CFAP144: variants seen among roughly 807,000 people sequenced by gnomAD.
CFAP144 encodes cilia- and flagella-associated protein 144.
chr1:43,154,746 GC>G, the CFAP144 span, among the ~76,000 whole-genome samples: 5 of 152,240 alleles, frequency 3.3e-5, no homozygotes, highest in South Asian at 1.0e-3. Context: ...AAGGGCATAG[GC>G]ACCACTATGA....
At chr1:43,148,057 C>A in the CFAP144 span, 1 of 1,613,870 alleles carries the variant, frequency 6.2e-7, no homozygotes, top group Non-Finnish European at 8.5e-7. Flanking sequence ...ACTCTACACG[C>A]AGTATCACGT....
At chr1:43,156,327 G>A in the CFAP144 span, 35 of 1,594,656 alleles carry the variant, frequency 2.2e-5, no homozygotes, top group South Asian at 7.7e-5. Context: ...CCCAGCGGAT[G>A]AGCCCATCTG....
At chr1:43,151,840 T>C in the CFAP144 span, among the ~76,000 whole-genome samples, 1 of 152,230 alleles carries the variant, frequency 6.6e-6, no homozygotes, top group South Asian at 2.1e-4. Context: ...AGAGAGGGCA[T>C]CATCACAGGC....
the CFAP144 span, chr1:43,148,061 A>G: frequency 4.3e-6 from 7 of 1,613,546 alleles, no homozygotes; most frequent in Non-Finnish European, 5.9e-6. Flanking sequence ...TACACGCAGT[A>G]TCACGTGAAT....
the CFAP144 span, among the ~76,000 whole-genome samples, chr1:43,154,156 T>A: frequency 1.4e-5 from 2 of 138,554 alleles, no homozygotes; most frequent in African/African-American, 5.3e-5. Flanking sequence ...ATATTCTCTC[T>A]TTTTATATTC....
At chr1:43,148,717 C>G in the CFAP144 span, among the ~76,000 whole-genome samples, 1 of 152,286 alleles carries the variant, frequency 6.6e-6, no homozygotes, top group East Asian at 1.9e-4. Flanking sequence ...AATACCCTGT[C>G]TCTGCAAAAG....
the CFAP144 span, chr1:43,145,084 G>A: frequency 4.8e-6 from 3 of 628,362 alleles, no homozygotes; most frequent in Non-Finnish European, 8.6e-6. Flanking sequence ...TTCCCGTCTG[G>A]GCAATCCTCT....
chr1:43,148,801 C>T, the CFAP144 span, among the ~76,000 whole-genome samples: 1 of 152,108 alleles, frequency 6.6e-6, no homozygotes, highest in Admixed American at 6.5e-5. Context: ...CATTAGAAGC[C>T]TCGGAGTCCT....
chr1:43,150,115 C>T, the CFAP144 span, among the ~76,000 whole-genome samples: 7 of 152,216 alleles, frequency 4.6e-5, no homozygotes, highest in African/African-American at 1.4e-4. Context: ...TCTCCATCCA[C>T]GTAACCTGCT....
the CFAP144 span, among the ~76,000 whole-genome samples, chr1:43,145,777 A>G: frequency 2.0e-5 from 3 of 152,372 alleles, no homozygotes; most frequent in Admixed American, 2.0e-4. Context: ...CAAAGGGCCA[A>G]GAAGCGGCAA....
chr1:43,154,062 G>GTATATATATATA, the CFAP144 span, among the ~76,000 whole-genome samples: 7 of 83,660 alleles, frequency 8.4e-5, no homozygotes, highest in Non-Finnish European at 1.2e-4. Context: ...ATATGTGTGT[G>GTATATATATATA]TATATATATA....
At chr1:43,156,297 A>G in the CFAP144 span, 17 of 1,613,576 alleles carry the variant, frequency 1.1e-5, no homozygotes, top group African/African-American at 1.7e-4. Flanking sequence ...GGCTTAGGAG[A>G]TGATCACCAC....
At chr1:43,154,350 T>C in the CFAP144 span, among the ~76,000 whole-genome samples, 5 of 145,946 alleles carry the variant, frequency 3.4e-5, no homozygotes, top group Non-Finnish European at 7.4e-5. Flanking sequence ...TTTTTATATA[T>C]ATACATACAA....
At chr1:43,147,923 G>A in the CFAP144 span, 4 of 1,611,960 alleles carry the variant, frequency 2.5e-6, no homozygotes, top group East Asian at 6.7e-5. Context: ...GGAAGGCCCA[G>A]GCAAGAGGGC....
the CFAP144 span, among the ~76,000 whole-genome samples, chr1:43,150,063 T>C: frequency 1.3e-5 from 2 of 152,086 alleles, no homozygotes; most frequent in African/African-American, 4.8e-5. Flanking sequence ...CATATGTATC[T>C]CCCTAGAGAT....
At chr1:43,148,179 C>CA in the CFAP144 span, 335,659 of 1,298,034 alleles carry the variant, frequency 0.26, 49,251 homozygotes, top group Non-Finnish European at 0.28. Flanking sequence ...GCGGTCCCAG[C>CA]AAAAACTCTT....
the CFAP144 span, chr1:43,145,298 G>T: frequency 6.5e-7 from 1 of 1,548,948 alleles, no homozygotes; most frequent in South Asian, 1.2e-5. Context: ...TCTCTGGAGG[G>T]TAAGTCTTGT....
At chr1:43,144,957 G>T in the CFAP144 span, among the ~76,000 whole-genome samples, 1 of 152,168 alleles carries the variant, frequency 6.6e-6, no homozygotes, top group East Asian at 1.9e-4. Context: ...AGCTTGGCCT[G>T]GTGGACACAC....
the CFAP144 span, chr1:43,147,793 G>T: frequency 6.7e-7 from 1 of 1,486,332 alleles, no homozygotes; most frequent in Non-Finnish European, 8.9e-7. Flanking sequence ...ATGCAGGCAG[G>T]GTAAGGGGCT....
Sources: allele counts gnomAD v4.1 joint callset (sites outside exome capture counted in the v4.1 genomes callset), GRCh38; gene constraint gnomAD v4.1.1; transcripts MANE v1.5; gene names NCBI Gene and HGNC (gene_info 2026-07-23, HGNC 2026-07-21).